CDK14: variants seen among roughly 807,000 people sequenced by gnomAD.
CDK14 encodes cyclin dependent kinase 14.
A neutral mutation model predicts 60.7 loss-of-function variants in CDK14; 34 were observed. The ratio of observed to expected loss-of-function variants is 0.56; its 90% CI spans 0.43 to 0.75. The LOEUF is 0.75. Among genes scored for constraint, CDK14 ranks in the 30% least tolerant of loss-of-function variants. CDK14 has a pLI of 0.00. For synonymous variants in CDK14, 197 were observed against 203.7 expected (o/e 0.97, Z 0.28); for missense variants, 482 against 564.1 (o/e 0.85, Z 1.47).
intron 10 of CDK14, among the ~76,000 whole-genome samples, chr7:91,023,010 ATATAT>A (rs1796473866): frequency 5.3e-5 from 2 of 37,652 alleles, no homozygotes; most frequent in African/African-American, 1.4e-4. Flanking sequence ...CCTTTGAAGT[ATATAT>A]TTTTTTTTTT....
intron 5 of CDK14, among the ~76,000 whole-genome samples, chr7:90,860,424 T>C (rs889424835): frequency 1.3e-5 from 2 of 152,134 alleles, no homozygotes; most frequent in African/African-American, 4.8e-5. Context: ...CAGTCACGTC[T>C]TTTGTGGTAT....
At chr7:91,144,576 A>G (rs1800568600) in intron 14 of CDK14, among the ~76,000 whole-genome samples, 1 of 152,218 alleles carries the variant, frequency 6.6e-6, no homozygotes, top group Non-Finnish European at 1.5e-5. Flanking sequence ...ACAAGGGAGA[A>G]GCGACGCAGA....
chr7:90,946,089 A>C (rs538400923), intron 8 of CDK14, among the ~76,000 whole-genome samples: 1 of 152,318 alleles, frequency 6.6e-6, no homozygotes, highest in South Asian at 2.1e-4. Context: ...CAGAATGAAC[A>C]GAACTTTGGG....
At chr7:91,007,211 G>T (rs535412550) in intron 10 of CDK14, among the ~76,000 whole-genome samples, 1 of 152,308 alleles carries the variant, frequency 6.6e-6, no homozygotes, top group African/African-American at 2.4e-5. Flanking sequence ...TCCACTAGAA[G>T]CTGCCCTCTG....
chr7:90,771,492 A>G (rs920529798), intron 4 of CDK14, among the ~76,000 whole-genome samples: 1 of 152,206 alleles, frequency 6.6e-6, no homozygotes, highest in Non-Finnish European at 1.5e-5. Flanking sequence ...GTAGAATTTT[A>G]TTGAGCAACA....
chr7:90,674,899 G>T (rs1036140604), intron 2 of CDK14, among the ~76,000 whole-genome samples: 34 of 152,224 alleles, frequency 2.2e-4, no homozygotes. Context: ...CCAAACTGAA[G>T]GTGGAGCTCA....
intron 5 of CDK14, among the ~76,000 whole-genome samples, chr7:90,862,330 A>G (rs1791035364): frequency 6.6e-6 from 1 of 152,210 alleles, no homozygotes; most frequent in East Asian, 1.9e-4. Context: ...GACTGAAAAG[A>G]AAAGGATGGG....
intron 10 of CDK14, among the ~76,000 whole-genome samples, chr7:91,000,928 T>G (rs181290261): frequency 6.6e-6 from 1 of 152,172 alleles, no homozygotes; most frequent in Admixed American, 6.5e-5. Context: ...TGGAATAAAA[T>G]TTATGGGAGC....
intron 5 of CDK14, among the ~76,000 whole-genome samples, chr7:90,791,379 A>G (rs1805823979): frequency 6.6e-6 from 1 of 152,086 alleles, no homozygotes; most frequent in Non-Finnish European, 1.5e-5. Context: ...CCTCTACTAC[A>G]TTTTTAAAAG....
At chr7:90,606,428 G>C (rs902392032) in intron 2 of CDK14, among the ~76,000 whole-genome samples, 3 of 152,162 alleles carry the variant, frequency 2.0e-5, no homozygotes, top group Non-Finnish European at 4.4e-5. Context: ...CACAAAAAGT[G>C]AATAGCTCAT....
At chr7:90,938,503 C>G (rs143790923) in intron 8 of CDK14, among the ~76,000 whole-genome samples, 2,231 of 152,292 alleles carry the variant, frequency 0.015, 19 homozygotes, top group Non-Finnish European at 0.022. Context: ...TAGTTAAAAA[C>G]TCAACCCAAA....
intron 4 of CDK14, among the ~76,000 whole-genome samples, chr7:90,775,037 T>G (rs1415423708): frequency 6.6e-6 from 1 of 152,200 alleles, no homozygotes; most frequent in Non-Finnish European, 1.5e-5. Flanking sequence ...GCTTTGGAGA[T>G]GCTTTTTTCA....
chr7:90,704,715 C>A (rs896778080), intron 2 of CDK14, among the ~76,000 whole-genome samples: 2 of 152,038 alleles, frequency 1.3e-5, no homozygotes, highest in Non-Finnish European at 1.5e-5. Flanking sequence ...CTCAACATTG[C>A]CATGCAATGT....
chr7:90,654,170 C>T (rs1172845864), intron 2 of CDK14, among the ~76,000 whole-genome samples: 3 of 152,136 alleles, frequency 2.0e-5, no homozygotes, highest in East Asian at 3.8e-4. Context: ...TTTCCCACTC[C>T]TGTCCTTTCT....
intron 10 of CDK14, among the ~76,000 whole-genome samples, chr7:91,042,164 G>T (rs1033368188): frequency 6.6e-5 from 10 of 152,154 alleles, no homozygotes; most frequent in Non-Finnish European, 1.5e-4. Flanking sequence ...CAGAGCGTTA[G>T]GGAAGAGAAT....
intron 10 of CDK14, among the ~76,000 whole-genome samples, chr7:90,992,241 A>G (rs1795560946): frequency 6.6e-6 from 1 of 152,244 alleles, no homozygotes. Context: ...CTATTAAAAG[A>G]CAACCTGTTT....
At chr7:91,116,523 C>G (rs1799615126) in intron 13 of CDK14, among the ~76,000 whole-genome samples, 1 of 152,172 alleles carries the variant, frequency 6.6e-6, no homozygotes, top group Non-Finnish European at 1.5e-5. Flanking sequence ...TGTATATGTT[C>G]TGTATATCAT....
At chr7:90,962,527 A>G (rs895503845) in intron 9 of CDK14, among the ~76,000 whole-genome samples, 13 of 152,018 alleles carry the variant, frequency 8.6e-5, no homozygotes, top group African/African-American at 2.9e-4. Context: ...TAGTTTTTAT[A>G]TTCCATTGTT....
intron 2 of CDK14, among the ~76,000 whole-genome samples, chr7:90,724,310 T>C (rs1000987220): frequency 1.4e-4 from 21 of 151,958 alleles, no homozygotes; most frequent in Non-Finnish European, 2.8e-4. Context: ...TATTTTCTAC[T>C]TTTTTTTCCC....
Sources: gnomAD v4.1 joint callset for allele counts (sites outside exome capture counted in the v4.1 genomes callset) on GRCh38, gnomAD v4.1.1 for gene constraint, MANE v1.5 for transcripts, NCBI Gene and HGNC (gene_info 2026-07-23, HGNC 2026-07-21) for gene names.